Variants in VOPP1 observed in about 807,000 individuals in gnomAD.
VOPP1 encodes the protein WW domain binding protein VOPP1.
In VOPP1, 8 loss-of-function variants were observed where a neutral mutation model predicts 23.5. That is an observed-to-expected ratio of 0.34 (90% CI 0.20 to 0.61). The LOEUF is 0.61. Ranked by LOEUF, VOPP1 falls within the 20% of genes least tolerant of loss-of-function variation. The pLI, the probability that VOPP1 is intolerant of heterozygous loss-of-function variation, is 0.78. For missense variants in VOPP1, 174 were observed against 238.1 expected (o/e 0.73, Z 1.77); for synonymous variants, 83 against 97.3 (o/e 0.85, Z 0.86).
At chr7:55,484,683 A>G (rs1179298531) in intron 4 of VOPP1, among the ~76,000 whole-genome samples, 2 of 152,244 alleles carry the variant, frequency 1.3e-5, no homozygotes, top group Admixed American at 6.5e-5. Flanking sequence ...GAGAAAAGGC[A>G]TCCCAGAAAT....
chr7:55,514,499 A>G (rs545116562), intron 2 of VOPP1, among the ~76,000 whole-genome samples: 4 of 152,246 alleles, frequency 2.6e-5, no homozygotes, highest in Admixed American at 2.6e-4. Flanking sequence ...TCCGTCTCCA[A>G]CCCTCCTTAG....
intron 4 of VOPP1, among the ~76,000 whole-genome samples, chr7:55,462,197 G>A (rs537811636): frequency 6.6e-6 from 1 of 152,288 alleles, no homozygotes; most frequent in Non-Finnish European, 1.5e-5. Context: ...TTCTGCTGAG[G>A]AATCTATTAG....
At chr7:55,448,499 T>C (rs1791157432) in intron 4 of VOPP1, among the ~76,000 whole-genome samples, 1 of 152,248 alleles carries the variant, frequency 6.6e-6, no homozygotes, top group South Asian at 2.1e-4. Context: ...GCCAAGAAAC[T>C]GTGGGGCACC....
chr7:55,558,532 A>C (rs1391179924), intron 1 of VOPP1, among the ~76,000 whole-genome samples: 1 of 152,106 alleles, frequency 6.6e-6, no homozygotes, highest in Non-Finnish European at 1.5e-5. Context: ...ATGATGCTTT[A>C]ATCGGGGAGA....
Position 55,540,959 on chromosome 7 carries a change from C to G in VOPP1, c.55-19829G>C, listed in dbSNP as rs2129050850. On this transcript the variant is annotated intron_variant, in intron 1 of 4. Transcript: ENST00000285279. Reference sequence around the variant, plus strand: ...AGAAAAAAATACATAAAGTGGACTACATTGAAACTTAAAATTCTTGGGCTG... The same window carrying G: ...AGAAAAAAATACATAAAGTGGACTAGATTGAAACTTAAAATTCTTGGGCTG... 2.6e-5 allele frequency among the ~76,000 whole-genome samples: 4 copies of G among 152,296 alleles called. 1 individual carries two copies. The Middle Eastern group carries it at 0.01, about 389-fold the overall frequency.
rs11980079 is a variant in VOPP1, at chr7:55,448,398, G to A, written n.418-12224C>T. On this transcript the variant is annotated intron_variant and non_coding_transcript_variant, in intron 4 of 4. Coordinates refer to the VOPP1 transcript ENST00000462326. ...ATAATAATGGGAGTGCAATGAGAAAGATTCATAGGGACCTCATTTCTATTT... is the reference window on the plus strand; with the variant it reads ...ATAATAATGGGAGTGCAATGAGAAAAATTCATAGGGACCTCATTTCTATTT... Among the ~76,000 whole-genome samples, 178 of 152,318 alleles carry A rather than the reference G, an allele frequency of 1.2e-3. 2 individuals carry two copies. Among genetic ancestry groups the A allele is most frequent in the African/African-American group, 4.0e-3 (165 of 41,570 alleles).
At chr7:55,568,368 C>T (rs1358481488) in intron 1 of VOPP1, among the ~76,000 whole-genome samples, 1 of 152,218 alleles carries the variant, frequency 6.6e-6, no homozygotes, top group Non-Finnish European at 1.5e-5. Flanking sequence ...AGCCACCGCA[C>T]CCAGCCTGAC....
intron 4 of VOPP1, among the ~76,000 whole-genome samples, chr7:55,444,651 C>G (rs1209481266): frequency 6.6e-6 from 1 of 152,160 alleles, no homozygotes; most frequent in African/African-American, 2.4e-5. Flanking sequence ...ATGTGTTCAC[C>G]CCATTGTGGC....
At chr7:55,480,440 T>G (rs995403744) in intron 4 of VOPP1, among the ~76,000 whole-genome samples, 5 of 152,248 alleles carry the variant, frequency 3.3e-5, no homozygotes, top group East Asian at 1.9e-4. Flanking sequence ...TTTTGTGTTC[T>G]TCTCCTTTAT....
intron 1 of VOPP1, among the ~76,000 whole-genome samples, chr7:55,540,903 G>GA (rs570860615): frequency 3.9e-4 from 59 of 151,662 alleles, no homozygotes; most frequent in African/African-American, 1.4e-3. Flanking sequence ...AAAATACAAG[G>GA]AAAAAAACAA....
intron 1 of VOPP1, among the ~76,000 whole-genome samples, chr7:55,551,204 G>A (rs11982614): frequency 9.0e-4 from 137 of 152,252 alleles, no homozygotes; most frequent in African/African-American, 3.1e-3. Flanking sequence ...CCAGGCTGTC[G>A]CTACCAAGAA....
At chr7:55,496,169 T>G (rs563296096) in intron 3 of VOPP1, among the ~76,000 whole-genome samples, 2 of 152,244 alleles carry the variant, frequency 1.3e-5, no homozygotes, top group Non-Finnish European at 2.9e-5. Context: ...TTTCATTTTT[T>G]ACAAGCATTC....
chr7:55,497,168 AGC>A (rs1432328984), intron 3 of VOPP1, among the ~76,000 whole-genome samples: 1,675 of 152,382 alleles, frequency 0.011, 11 homozygotes, highest in Middle Eastern at 0.02. Context: ...AGCTGGAGGC[AGC>A]TGGGTGCAGG....
intron 1 of VOPP1, among the ~76,000 whole-genome samples, chr7:55,530,552 G>A (rs984234939): frequency 1.7e-4 from 26 of 152,098 alleles, no homozygotes; most frequent in African/African-American, 5.6e-4. Flanking sequence ...GCTGAAAGTC[G>A]GCATTTGACT....
chr7:55,570,244 T>C (rs1283037100), intron 1 of VOPP1, among the ~76,000 whole-genome samples: 1 of 152,212 alleles, frequency 6.6e-6, no homozygotes, highest in Non-Finnish European at 1.5e-5. Flanking sequence ...TTTCATGTGA[T>C]AAATGATGAA....
chr7:55,484,677 A>G (rs1024074408), intron 4 of VOPP1, among the ~76,000 whole-genome samples: 9 of 152,222 alleles, frequency 5.9e-5, no homozygotes, highest in African/African-American at 2.2e-4. Flanking sequence ...AAGAGAGAGA[A>G]AAGGCATCCC....
chr7:55,569,385 G>A (rs1798273269), intron 1 of VOPP1, among the ~76,000 whole-genome samples: 1 of 152,176 alleles, frequency 6.6e-6, no homozygotes. Flanking sequence ...AAGGGTGACT[G>A]AGTTTCTAAG....
chr7:55,537,307 C>T (rs1481129202), intron 1 of VOPP1, among the ~76,000 whole-genome samples: 2 of 152,224 alleles, frequency 1.3e-5, no homozygotes, highest in African/African-American at 4.8e-5. Context: ...ACGTCTCTCA[C>T]ACACCTCAGC....
At chr7:55,550,261 G>A (rs1797548682) in intron 1 of VOPP1, among the ~76,000 whole-genome samples, 2 of 152,246 alleles carry the variant, frequency 1.3e-5, no homozygotes, top group Admixed American at 6.5e-5. Flanking sequence ...CAGTCTGGCA[G>A]GTGCCACCCT....
Sources: gnomAD v4.1 joint callset for allele counts (sites outside exome capture counted in the v4.1 genomes callset) on GRCh38, gnomAD v4.1.1 for gene constraint, MANE v1.5 for transcripts, NCBI Gene and HGNC (gene_info 2026-07-23, HGNC 2026-07-21) for gene names.